Variants in RARB observed in about 807,000 individuals in gnomAD.
RARB encodes retinoic acid receptor beta, also known as HBV-activated protein.
A neutral mutation model predicts 51.9 loss-of-function variants in RARB; 17 were observed. That is an observed-to-expected ratio of 0.33 (90% confidence interval 0.22 to 0.49). The LOEUF (loss-of-function observed/expected upper bound fraction) is 0.49, where lower values mean the gene tolerates loss of function less well. Ranked by LOEUF, RARB falls within the 20% of genes least tolerant of loss-of-function variation. The probability of loss-of-function intolerance (pLI) is 0.99; values close to 1 mark genes in which losing one functional copy is unlikely to be tolerated. For synonymous variants in RARB, 215 were observed against 195.4 expected (o/e 1.10, Z -0.84); for missense variants, 369 against 550.8 (o/e 0.67, Z 3.30).
At chr3:25,444,493 A>G (rs1423926767) in intron 1 of RARB, among the ~76,000 whole-genome samples, 3 of 152,188 alleles carry the variant, frequency 2.0e-5, no homozygotes, top group Non-Finnish European at 4.4e-5. Flanking sequence ...TAAATTATGT[A>G]CACATCAGGC....
chr3:25,428,712 C>T lies in RARB; in HGVS notation c.-20C>T. 3.8e-6 allele frequency: 6 copies of T among 1,598,194 alleles called. No homozygotes were observed. The highest frequency in any genetic ancestry group is 3.3e-5 in the South Asian group (3 of 90,182). Reference sequence around the variant, plus strand: ...CCTAGAGGATAAGCACTTTTGCAGACATTCAGTGCAAGGGAGATCATGTTT... The same window carrying T: ...CCTAGAGGATAAGCACTTTTGCAGATATTCAGTGCAAGGGAGATCATGTTT... On this transcript the variant is annotated 5_prime_UTR_variant, in exon 1 of 8. Coordinates refer to ENST00000330688, the MANE Select transcript of RARB (RefSeq NM_000965.5).
At chr3:25,377,519 C>T (rs1706501998) in intron 5 of RARB, among the ~76,000 whole-genome samples, 1 of 152,136 alleles carries the variant, frequency 6.6e-6, no homozygotes, top group African/African-American at 2.4e-5. Context: ...AATAGCTTTT[C>T]TTAACCAGAT....
intron 2 of RARB, among the ~76,000 whole-genome samples, chr3:24,871,949 C>G (rs1702956428): frequency 6.6e-6 from 1 of 152,144 alleles, no homozygotes; most frequent in Admixed American, 6.5e-5. Flanking sequence ...CTATCATCAC[C>G]CTGGTCTGAT....
At chr3:25,520,588 A>G (rs1698360286) in intron 3 of RARB, among the ~76,000 whole-genome samples, 1 of 152,258 alleles carries the variant, frequency 6.6e-6, no homozygotes, top group Non-Finnish European at 1.5e-5. Flanking sequence ...GCGACTGTGA[A>G]TAAATGAGCT....
intron 2 of RARB, among the ~76,000 whole-genome samples, chr3:24,929,975 T>G (rs1319161637): frequency 6.6e-6 from 1 of 152,146 alleles, no homozygotes; most frequent in African/African-American, 2.4e-5. Context: ...GTAATTGATT[T>G]GGTACAGAGT....
chr3:25,064,274 A>C (rs1698613530), intron 3 of RARB, among the ~76,000 whole-genome samples: 1 of 152,120 alleles, frequency 6.6e-6, no homozygotes, highest in Non-Finnish European at 1.5e-5. Context: ...TTCAGTTGAA[A>C]TATTATCTCA....
chr3:24,922,555 T>G lies in RARB; in HGVS notation c.-380+63803T>G, dbSNP rs564217849. 5.9e-5 allele frequency among the ~76,000 whole-genome samples: 9 copies of G among 152,244 alleles called. No individual in the cohort carries two copies. The South Asian group carries it at 1.9e-3, about 32-fold the overall frequency. On this transcript the variant is annotated intron_variant, in intron 2 of 11. Transcript: ENST00000383772. ...CAGAAGTTAAGTATCCTGTCAAAAG[T>G]CACACACAGCCTGAAAGAGCTGGGA...
intron 3 of RARB, among the ~76,000 whole-genome samples, chr3:25,524,307 A>G (rs764538514): frequency 2.0e-5 from 3 of 152,328 alleles, no homozygotes; most frequent in East Asian, 1.9e-4. Context: ...ATAAATGATC[A>G]TTTTAAACTG....
At chr3:25,037,483 G>A (rs2125293239) in intron 2 of RARB, among the ~76,000 whole-genome samples, 1 of 152,160 alleles carries the variant, frequency 6.6e-6, no homozygotes, top group South Asian at 2.1e-4. Flanking sequence ...CCAGGAAGCT[G>A]CTATCCCTAC....
intron 4 of RARB, among the ~76,000 whole-genome samples, chr3:25,162,543 C>G (rs1399039783): frequency 6.6e-6 from 1 of 152,202 alleles, no homozygotes; most frequent in Non-Finnish European, 1.5e-5. Context: ...TTTCATCACT[C>G]TAAAAAGGAA....
At chr3:25,016,529 A>T (rs149915492) in intron 2 of RARB, among the ~76,000 whole-genome samples, 1 of 152,170 alleles carries the variant, frequency 6.6e-6, no homozygotes, top group African/African-American at 2.4e-5. Context: ...GAATGTTCCA[A>T]CGTTACTGGT....
At chr3:25,083,290 A>G (rs1699044434) in intron 3 of RARB, among the ~76,000 whole-genome samples, 1 of 152,150 alleles carries the variant, frequency 6.6e-6, no homozygotes, top group Non-Finnish European at 1.5e-5. Context: ...AATTGCATGT[A>G]TGGTAACCTA....
intron 3 of RARB, among the ~76,000 whole-genome samples, chr3:25,512,566 C>T (rs1697948548): frequency 6.6e-6 from 1 of 152,244 alleles, no homozygotes; most frequent in African/African-American, 2.4e-5. Context: ...ACTGACCACT[C>T]GGTGTCCTCT....
At chr3:25,176,170 C>T (rs1345617172) in intron 5 of RARB, among the ~76,000 whole-genome samples, 1 of 152,012 alleles carries the variant, frequency 6.6e-6, no homozygotes, top group African/African-American at 2.4e-5. Context: ...GTAGGATTCC[C>T]ATGCTGAATG....
At chr3:25,558,533 T>C (rs1215549932) in intron 3 of RARB, among the ~76,000 whole-genome samples, 1 of 31,814 alleles carries the variant, frequency 3.1e-5, no homozygotes, top group African/African-American at 3.9e-4. Flanking sequence ...CTGGCCCTTT[T>C]TTTTTTTTTT....
chr3:25,487,472 CTT>C (rs57189635), intron 2 of RARB, among the ~76,000 whole-genome samples: 1,607 of 142,244 alleles, frequency 0.011, 18 homozygotes, highest in African/African-American at 0.02. Context: ...ATGTCCGGCA[CTT>C]TTTTTTTTTT....
At chr3:25,357,932 C>G (rs1705801849) in intron 5 of RARB, among the ~76,000 whole-genome samples, 1 of 152,122 alleles carries the variant, frequency 6.6e-6, no homozygotes, top group Non-Finnish European at 1.5e-5. Flanking sequence ...AGTTTGAAGT[C>G]AGGTAGCATG....
At chr3:25,492,836 T>C (rs146667835) in intron 2 of RARB, among the ~76,000 whole-genome samples, 227 of 152,300 alleles carry the variant, frequency 1.5e-3, no homozygotes, top group African/African-American at 5.2e-3. Context: ...CTAAAACACA[T>C]GGTCAGATTC....
chr3:25,358,692 T>A (rs886572172), intron 5 of RARB, among the ~76,000 whole-genome samples: 1 of 152,050 alleles, frequency 6.6e-6, no homozygotes, highest in African/African-American at 2.4e-5. Context: ...GCATGAAGGG[T>A]TGTTGAATTT....
Sources: gnomAD v4.1 joint callset for allele counts (sites outside exome capture counted in the v4.1 genomes callset) on GRCh38, gnomAD v4.1.1 for gene constraint, MANE v1.5 for transcripts, NCBI Gene and HGNC (gene_info 2026-07-23, HGNC 2026-07-21) for gene names.